Variants in BCKDHB observed in about 807,000 individuals in gnomAD.
The protein encoded by BCKDHB is branched chain keto acid dehydrogenase E1 subunit beta.
BCKDHB carries 41 observed loss-of-function variants against 48.5 expected under a neutral mutation model. The ratio of observed to expected loss-of-function variants is 0.85; its 90% CI spans 0.66 to 1.10. The LOEUF is 1.10. BCKDHB is among the 50% of genes least tolerant of loss of function. BCKDHB has a pLI of 0.00. For missense variants in BCKDHB, 496 were observed against 494.2 expected, an observed-to-expected ratio of 1.00 and a Z score of -0.03; for synonymous variants, 201 against 174.8, an observed-to-expected ratio of 1.15 and a Z score of -1.18.
chr6:80,150,121 T>G (rs1348631414), intron 3 of BCKDHB, among the ~76,000 whole-genome samples: 10 of 152,094 alleles, frequency 6.6e-5, no homozygotes, highest in Admixed American at 4.6e-4. Flanking sequence ...CTGTCTGCCT[T>G]CCTTATGCTG....
chr6:80,271,728 TAA>T (rs1419399732), intron 8 of BCKDHB, among the ~76,000 whole-genome samples: 1 of 151,914 alleles, frequency 6.6e-6, no homozygotes, highest in Non-Finnish European at 1.5e-5. Context: ...TTCAGAGCTA[TAA>T]GAGTGGTCTG....
chr6:80,425,371 C>T, the BCKDHB span, among the ~76,000 whole-genome samples: 1 of 152,164 alleles, frequency 6.6e-6, no homozygotes, highest in South Asian at 2.1e-4. Flanking sequence ...TGAACTGTTA[C>T]AGATGCAACC....
intron 8 of BCKDHB, among the ~76,000 whole-genome samples, chr6:80,214,368 G>A (rs534420778): frequency 6.6e-6 from 1 of 152,310 alleles, no homozygotes; most frequent in Admixed American, 6.5e-5. Flanking sequence ...TTATGGAGAA[G>A]TTGAAGAATT....
At chr6:80,436,114 A>G in the BCKDHB span, among the ~76,000 whole-genome samples, 1 of 133,134 alleles carries the variant, frequency 7.5e-6, no homozygotes, top group Non-Finnish European at 1.7e-5. Context: ...CCTAATATTA[A>G]CTTTGTTTGT....
chr6:80,106,645 G>C, upstream of BCKDHB: 1 of 1,535,342 alleles, frequency 6.5e-7, no homozygotes, highest in Non-Finnish European at 8.8e-7. Flanking sequence ...CGCCCTCCCC[G>C]CAGGCGGCGT....
At chr6:80,235,660 C>T (rs966517183) in intron 8 of BCKDHB, among the ~76,000 whole-genome samples, 1 of 152,176 alleles carries the variant, frequency 6.6e-6, no homozygotes, top group African/African-American at 2.4e-5. Context: ...GCCAGTGGCA[C>T]TTAGGTTCTA....
Position 80,272,776 on chromosome 6 carries a change from C to T in BCKDHB, c.952-359C>T, listed in dbSNP as rs190864362. Among the ~76,000 whole-genome samples, 10 of 152,158 alleles carry T rather than the reference C, an allele frequency of 6.6e-5. 1 individual carries two copies. The highest frequency in any genetic ancestry group is 8.8e-5 in the Non-Finnish European group (6 of 67,998). On this transcript the variant is annotated intron_variant, in intron 8 of 9. Coordinates refer to ENST00000320393, the MANE Select transcript of BCKDHB (RefSeq NM_183050.4). ...CAAACAAATGAATAAAAAAAACTTTCGCTCTTTAACATGAAGAAAAATATT... is the reference window on the plus strand; with the variant it reads ...CAAACAAATGAATAAAAAAAACTTTTGCTCTTTAACATGAAGAAAAATATT...
intron 8 of BCKDHB, among the ~76,000 whole-genome samples, chr6:80,262,042 C>G (rs901552764): frequency 2.6e-5 from 4 of 152,176 alleles, no homozygotes; most frequent in Non-Finnish European, 5.9e-5. Flanking sequence ...CAGTTCCCAT[C>G]TTGATCTCTG....
chr6:80,299,088 T>C (rs1456854938), intron 9 of BCKDHB, among the ~76,000 whole-genome samples: 3 of 151,984 alleles, frequency 2.0e-5, no homozygotes, highest in Non-Finnish European at 1.5e-5. Flanking sequence ...TCTAACTCCC[T>C]AAATTTTAGG....
At chr6:80,359,456 T>C in the BCKDHB span, among the ~76,000 whole-genome samples, 1 of 152,200 alleles carries the variant, frequency 6.6e-6, no homozygotes, top group South Asian at 2.1e-4. Context: ...ATTCTTCTGA[T>C]GTTGTGTTTG....
At chr6:80,163,952 C>T (rs1384951956) in intron 3 of BCKDHB, among the ~76,000 whole-genome samples, 2 of 152,198 alleles carry the variant, frequency 1.3e-5, no homozygotes, top group South Asian at 2.1e-4. Flanking sequence ...TCCACCTTCT[C>T]TGCTATTATG....
intron 9 of BCKDHB, among the ~76,000 whole-genome samples, chr6:80,304,365 A>T (rs1164531832): frequency 6.6e-6 from 1 of 152,094 alleles, no homozygotes; most frequent in East Asian, 1.9e-4. Context: ...TTATTCTCTA[A>T]TGTTTCCTAA....
intron 8 of BCKDHB, among the ~76,000 whole-genome samples, chr6:80,218,404 C>T (rs567347925): frequency 1.5e-4 from 23 of 152,142 alleles, no homozygotes; most frequent in African/African-American, 2.4e-4. Flanking sequence ...GCCTACCACA[C>T]GCACATGCAC....
chr6:80,168,412 G>GGGAA (rs2127774282), intron 4 of BCKDHB, among the ~76,000 whole-genome samples: 1 of 134,166 alleles, frequency 7.5e-6, no homozygotes, highest in East Asian at 2.4e-4. Flanking sequence ...AGGGAAGGGA[G>GGGAA]GGAGGGAGGG....
intron 8 of BCKDHB, among the ~76,000 whole-genome samples, chr6:80,264,923 G>C (rs980177610): frequency 6.6e-6 from 1 of 152,058 alleles, no homozygotes; most frequent in African/African-American, 2.4e-5. Flanking sequence ...ATTTGTCCAA[G>C]AAAGATATGC....
chr6:80,358,741 G>A, the BCKDHB span, among the ~76,000 whole-genome samples: 1 of 152,218 alleles, frequency 6.6e-6, no homozygotes, highest in African/African-American at 2.4e-5. Flanking sequence ...TGGAGAGAAA[G>A]TGCTTAATAA....
At chr6:80,254,265 C>A (rs1418599706) in intron 8 of BCKDHB, among the ~76,000 whole-genome samples, 1 of 151,446 alleles carries the variant, frequency 6.6e-6, no homozygotes, top group Non-Finnish European at 1.5e-5. Context: ...GGTACATATT[C>A]TTCTTTTTTC....
rs556180073 is a variant in BCKDHB, at chr6:80,285,638, A to G, written c.1038+12417A>G. Among the ~76,000 whole-genome samples, 13 of 152,240 alleles carry G rather than the reference A, an allele frequency of 8.5e-5. No individual in the cohort carries two copies. In the East Asian group the frequency reaches 2.5e-3, roughly 29 times the overall value. On this transcript the variant is annotated intron_variant, in intron 9 of 9. Transcript: ENST00000320393. ...CTTTCCGGGCAGTGTCCTCCATGCC[A>G]GTCTTGTGAACATGTGGACCTTTGC...
At chr6:80,169,836 T>G in intron 5 of BCKDHB, 2 of 1,609,064 alleles carry the variant, frequency 1.2e-6, no homozygotes, top group Non-Finnish European at 1.7e-6. Context: ...TTATCTTAGT[T>G]GAGTAGATGT....
Sources: allele counts gnomAD v4.1 joint callset (sites outside exome capture counted in the v4.1 genomes callset), GRCh38; gene constraint gnomAD v4.1.1; transcripts MANE v1.5; gene names NCBI Gene and HGNC (gene_info 2026-07-23, HGNC 2026-07-21).